Variants in SNTA1 observed in about 807,000 individuals in gnomAD.
SNTA1 encodes alpha-1-syntrophin.
A neutral mutation model predicts 47.1 loss-of-function variants in SNTA1; 31 were observed. The observed-to-expected ratio is 0.66, with a 90% CI of 0.49 to 0.89. The LOEUF (loss-of-function observed/expected upper bound fraction) is 0.89, where lower values mean the gene tolerates loss of function less well. Ranked by LOEUF, SNTA1 falls within the 40% of genes least tolerant of loss-of-function variation. The pLI, the probability that SNTA1 is intolerant of heterozygous loss-of-function variation, is 0.00. For missense variants in SNTA1, 575 were observed against 693.0 expected, an observed-to-expected ratio of 0.83 and a Z score of 1.91; for synonymous variants, 300 against 313.6, an observed-to-expected ratio of 0.96 and a Z score of 0.46.
chr20:33,421,002 GA>G (rs1259716516), intron 2 of SNTA1, among the ~76,000 whole-genome samples: 10 of 150,450 alleles, frequency 6.6e-5, no homozygotes, highest in Non-Finnish European at 1.2e-4. Flanking sequence ...AAAAGAAAAA[GA>G]AAGTAAAATT....
intron 2 of SNTA1, among the ~76,000 whole-genome samples, chr20:33,430,418 A>G (rs1990277656): frequency 6.7e-6 from 1 of 149,988 alleles, no homozygotes; most frequent in African/African-American, 2.5e-5. Context: ...CCTCCTGAGT[A>G]GCTGGGACTA....
At chr20:33,419,012 G>C (rs557769911) in intron 2 of SNTA1, among the ~76,000 whole-genome samples, 111 of 152,016 alleles carry the variant, frequency 7.3e-4, no homozygotes, top group African/African-American at 2.6e-3. Flanking sequence ...TACTCGAGAG[G>C]CTGAGGCATG....
chr20:33,408,057 C>A lies in SNTA1; in HGVS notation c.*450G>T. ...AGAAAAACCAGACTCCCCACGGTGG[C>A]AGGGCTGAGGGGAAAAACAAACAGA... On this transcript the variant is annotated 3_prime_UTR_variant, in exon 8 of 8. Coordinates refer to ENST00000217381, the MANE Select transcript of SNTA1 (RefSeq NM_003098.3). The A allele has an allele frequency of 4.2e-6, 1 of 236,964 alleles. No individual in the cohort carries two copies. 14.7% of individuals were successfully genotyped at this position (236,964 alleles called of 1,614,324 possible). A position where few individuals can be genotyped will look rare whatever the true frequency, so the allele number is the denominator to read the frequency against.
intron 2 of SNTA1, among the ~76,000 whole-genome samples, chr20:33,431,194 G>A (rs1323618555): frequency 6.6e-6 from 1 of 152,020 alleles, no homozygotes; most frequent in Non-Finnish European, 1.5e-5. Flanking sequence ...CCAGGAAGTC[G>A]AGGCTACAGT....
chr20:33,424,201 C>T (rs1399540365), intron 2 of SNTA1, among the ~76,000 whole-genome samples: 1 of 149,248 alleles, frequency 6.7e-6, no homozygotes, highest in Non-Finnish European at 1.5e-5. Context: ...GTAATCCCAA[C>T]TACTTGGGAG....
At chr20:33,427,350 C>G (rs560315780) in intron 2 of SNTA1, among the ~76,000 whole-genome samples, 5 of 152,262 alleles carry the variant, frequency 3.3e-5, no homozygotes, top group African/African-American at 1.2e-4. Context: ...TATGTCAACC[C>G]TCAACTTGAA....
At chr20:33,408,626 A>G in intron 7 of SNTA1, 27 bp from the exon 8 acceptor site, 1 of 1,611,980 alleles carries the variant, frequency 6.2e-7, no homozygotes, top group Non-Finnish European at 8.5e-7. Flanking sequence ...GAGAAGAGTC[A>G]GGGCCCTGGC....
chr20:33,410,989 C>A (rs552211328), intron 5 of SNTA1, among the ~76,000 whole-genome samples: 1 of 152,234 alleles, frequency 6.6e-6, no homozygotes, highest in East Asian at 1.9e-4. Flanking sequence ...GACACACGGG[C>A]CAGAGCCAGC....
Position 33,443,681 on chromosome 20 carries a change from C to G in SNTA1, c.-61G>C, listed in dbSNP as rs1568765185. 10 of 1,071,376 alleles carry G rather than the reference C, an allele frequency of 9.3e-6. No homozygotes were observed. Among genetic ancestry groups the G allele is most frequent in the Non-Finnish European group, 1.2e-5 (10 of 867,122 alleles). The allele number at this position is 1,071,376 out of a possible 1,614,324, so 66.4% of individuals were successfully genotyped here. ...CTGTCCCGCTTTGCCCAGCCCGCTC[C>G]GACCAAGCGCCCAGGGCAGAGGGCA... On this transcript the variant is annotated 5_prime_UTR_variant, in exon 1 of 8. Transcript: ENST00000217381.
chr20:33,408,415 C>T lies in SNTA1; in HGVS notation c.*92G>A. ...GCCCTTGTTCCTCTCCTCTCCCTTC[C>T]CTCAGCCCAGGGGTGAGCAGGCAGT... On this transcript the variant is annotated 3_prime_UTR_variant, in exon 8 of 8. Coordinates refer to ENST00000217381, the MANE Select transcript of SNTA1 (RefSeq NM_003098.3). 1.1e-6 allele frequency: 1 copy of T among 919,444 alleles called. No homozygotes were observed. The highest frequency in any genetic ancestry group is 1.4e-5 in the South Asian group (1 of 73,350). 57.0% of individuals were successfully genotyped at this position (919,444 alleles called of 1,614,324 possible). A position where few individuals can be genotyped will look rare whatever the true frequency, so the allele number is the denominator to read the frequency against.
chr20:33,413,003 T>C (rs1324462274), intron 3 of SNTA1, among the ~76,000 whole-genome samples: 1 of 152,100 alleles, frequency 6.6e-6, no homozygotes, highest in African/African-American at 2.4e-5. Context: ...GTTCATATAT[T>C]TTGTGGGGTT....
rs1384836135 is a variant in SNTA1 at position 33,408,003 on chromosome 20, A to G, written c.*504T>C. ...TGCTCACAGGCTGTTTATTTATCCA[A>G]GAGTAAGGAGGAGAGAGACAGGATG... On this transcript the variant is annotated 3_prime_UTR_variant, in exon 8 of 8. Transcript: ENST00000217381. The G allele has an allele frequency of 4.8e-6, 1 of 208,362 alleles. No individual in the cohort carries two copies. The highest frequency in any genetic ancestry group is 2.3e-5 in the African/African-American group (1 of 43,634). The allele number at this position is 208,362 out of a possible 1,614,324, so 12.9% of individuals were successfully genotyped here.
chr20:33,434,765 T>C (rs1175672610), intron 2 of SNTA1, among the ~76,000 whole-genome samples: 1 of 151,886 alleles, frequency 6.6e-6, no homozygotes, highest in Non-Finnish European at 1.5e-5. Flanking sequence ...CTCGAACTCC[T>C]GGGCTCAAGT....
intron 1 of SNTA1, among the ~76,000 whole-genome samples, chr20:33,442,728 G>A (rs1990608302): frequency 6.6e-6 from 1 of 152,134 alleles, no homozygotes; most frequent in Non-Finnish European, 1.5e-5. Context: ...CCTGTGCAAG[G>A]TGGAGATAGT....
At chr20:33,417,690 A>G (rs1448036996) in intron 3 of SNTA1, 29 bp downstream of exon 3, 2 of 1,555,010 alleles carry the variant, frequency 1.3e-6, no homozygotes, top group African/African-American at 1.4e-5. Context: ...GCATCTGTCC[A>G]TCTGAGTTGC....
chr20:33,417,649 C>T, intron 3 of SNTA1, 70 bp downstream of exon 3: 1 of 1,106,660 alleles, frequency 9.0e-7, no homozygotes, highest in Non-Finnish European at 1.4e-6. Context: ...ACAGAGGTGT[C>T]TTTCCATTGG....
chr20:33,424,853 G>A (rs941816546), intron 2 of SNTA1, among the ~76,000 whole-genome samples: 86 of 150,578 alleles, frequency 5.7e-4, no homozygotes, highest in Admixed American at 3.2e-3. Context: ...ACAGTGGCTC[G>A]TGCCTGTAAT....
intron 3 of SNTA1, among the ~76,000 whole-genome samples, chr20:33,416,334 G>A (rs2146770306): frequency 6.6e-6 from 1 of 152,302 alleles, no homozygotes; most frequent in South Asian, 2.1e-4. Flanking sequence ...TAGCAGTTAA[G>A]CATCACCTCC....
At chr20:33,431,461 G>C (rs1018229370) in intron 2 of SNTA1, among the ~76,000 whole-genome samples, 1 of 151,106 alleles carries the variant, frequency 6.6e-6, no homozygotes, top group African/African-American at 2.4e-5. Context: ...AATAACATAG[G>C]GAAGGGCCGG....
Sources: allele counts gnomAD v4.1 joint callset (sites outside exome capture counted in the v4.1 genomes callset), GRCh38; gene constraint gnomAD v4.1.1; transcripts MANE v1.5; gene names NCBI Gene and HGNC (gene_info 2026-07-23, HGNC 2026-07-21).